EXOC6: variants seen among roughly 807,000 people sequenced by gnomAD.
EXOC6 encodes the protein exocyst complex component 6, also known as SEC15-like 1.
A neutral mutation model predicts 112.5 loss-of-function variants in EXOC6; 60 were observed. The observed-to-expected ratio is 0.53, with a 90% confidence interval of 0.43 to 0.66. The LOEUF is 0.66. Ranked by LOEUF, EXOC6 falls within the 30% of genes least tolerant of loss-of-function variation. The pLI, the probability that EXOC6 is intolerant of heterozygous loss-of-function variation, is 0.00. For synonymous variants in EXOC6, 295 were observed against 308.0 expected (o/e 0.96, Z 0.44); for missense variants, 855 against 957.1 (o/e 0.89, Z 1.41).
chr10:92,879,753 G>A (rs529043304), intron 1 of EXOC6, among the ~76,000 whole-genome samples: 2 of 152,154 alleles, frequency 1.3e-5, no homozygotes, highest in East Asian at 3.9e-4. Context: ...CTGATTTTAA[G>A]ATGTTCTTTA....
At chr10:92,935,418 T>C (rs1852286223) in intron 11 of EXOC6, among the ~76,000 whole-genome samples, 1 of 152,090 alleles carries the variant, frequency 6.6e-6, no homozygotes, top group Non-Finnish European at 1.5e-5. Flanking sequence ...ATAATTTTCT[T>C]TTGGTTAATT....
chr10:92,842,045 A>G (rs1846871790), intron 1 of EXOC6, among the ~76,000 whole-genome samples: 1 of 142,738 alleles, frequency 7.0e-6, no homozygotes, highest in African/African-American at 2.6e-5. Context: ...CCAAAAAAAA[A>G]AGTGTTAATA....
chr10:92,933,300 A>G (rs974055), intron 9 of EXOC6, among the ~76,000 whole-genome samples: 3,341 of 152,304 alleles, frequency 0.022, 56 homozygotes, highest in African/African-American at 0.041. Context: ...AGAATACAAA[A>G]CATGCTTAAT....
At chr10:92,889,106 T>C (rs1849369154) in intron 1 of EXOC6, among the ~76,000 whole-genome samples, 5 of 152,190 alleles carry the variant, frequency 3.3e-5, no homozygotes, top group Admixed American at 2.0e-4. Context: ...TGAGTTTTGG[T>C]CATATTTATT....
In EXOC6 at chr10:92,893,500, A is replaced by G. The variant is rs145875144; in HGVS notation, c.253A>G (p.Thr85Ala). Residue 85 changes from threonine (T) to alanine (A), a missense_variant, in exon 2 of 22, where the codon ACT becomes GCT. By Grantham distance (58) the Thr-to-Ala change is moderately conservative. Around this residue, in one of 2 missense-constraint regions of EXOC6, gnomAD observed 405 missense variants for 393.6 expected, o/e 1.03. Coordinates refer to ENST00000260762, the MANE Select transcript of EXOC6 (RefSeq NM_019053.6). ...TATTACAGAACTCCTTAAAGTAAGG[A>G]CTGATGCAGAAAAACTGAAGGTAAG... is the stretch of plus-strand genomic sequence containing the variant. ...DAITELLKVRTDAEKLKVQVT... is the reference protein window; with the variant it reads ...DAITELLKVRADAEKLKVQVT... 3.1e-6 allele frequency: 5 copies of G among 1,599,214 alleles called. No individual in the cohort carries two copies. The African/African-American group carries it at 5.4e-5, about 17-fold the overall frequency.
intron 1 of EXOC6, 36 bp from the exon 2 acceptor site, chr10:92,893,313 A>G: frequency 6.7e-7 from 1 of 1,482,626 alleles, no homozygotes; most frequent in Non-Finnish European, 9.1e-7. Context: ...TAAATAATAC[A>G]TTTTGGTTAA....
At chr10:92,847,072 C>G (rs1008252549), upstream of EXOC6, among the ~76,000 whole-genome samples, 3 of 152,220 alleles carry the variant, frequency 2.0e-5, no homozygotes, top group African/African-American at 4.8e-5. Flanking sequence ...CCCGCAGAGT[C>G]TCTAGCAAGG....
chr10:92,899,794 TCCAC>T, intron 5 of EXOC6, 150 bp downstream of exon 5: 2 of 524,914 alleles, frequency 3.8e-6, no homozygotes, highest in Non-Finnish European at 3.4e-6. Flanking sequence ...ATCAGGATAA[TCCAC>T]TAAAGCAAAT....
At chr10:92,898,346 C>T (rs1016450152) in intron 4 of EXOC6, among the ~76,000 whole-genome samples, 2 of 150,926 alleles carry the variant, frequency 1.3e-5, no homozygotes, top group Non-Finnish European at 2.9e-5. Context: ...GAGAGAATTA[C>T]TTGAGCCCAA....
At chr10:92,896,175 ATATATATT>A (rs1564810040) in intron 4 of EXOC6, among the ~76,000 whole-genome samples, 67 of 20,512 alleles carry the variant, frequency 3.3e-3, no homozygotes, top group East Asian at 0.017. Context: ...ATATATATAT[ATATATATT>A]TTTTTTTTTT....
intron 18 of EXOC6, among the ~76,000 whole-genome samples, chr10:92,983,427 A>C (rs1356767282): frequency 6.6e-6 from 1 of 151,346 alleles, no homozygotes; most frequent in East Asian, 1.9e-4. Flanking sequence ...ACAAGTAGCA[A>C]CCTTTCCCTT....
chr10:92,976,348 T>G (rs1334372526), intron 18 of EXOC6, among the ~76,000 whole-genome samples: 1 of 152,198 alleles, frequency 6.6e-6, no homozygotes, highest in African/African-American at 2.4e-5. Context: ...CTTATCCTGT[T>G]GATCTGTGAC....
At chr10:92,970,655 G>A (rs74319272) in intron 17 of EXOC6, among the ~76,000 whole-genome samples, 2,220 of 152,274 alleles carry the variant, frequency 0.015, 54 homozygotes, top group African/African-American at 0.051. Flanking sequence ...TTCTTCTGTA[G>A]TTGAGGGGAA....
chr10:92,965,494 T>C (rs903659291), intron 17 of EXOC6, among the ~76,000 whole-genome samples: 4 of 152,212 alleles, frequency 2.6e-5, no homozygotes, highest in African/African-American at 7.2e-5. Flanking sequence ...TTAGCTGATA[T>C]GCTGACTAGA....
At position 93,029,552 on chromosome 10, in the gene EXOC6, A is replaced by G. The variant is rs1230610167; in HGVS notation, c.2169+15285A>G. On this transcript the variant is annotated intron_variant, in intron 20 of 21. Coordinates refer to ENST00000260762, the MANE Select transcript of EXOC6 (RefSeq NM_019053.6). ...TGAATGGGAGTTCTTTATCAGGTCT[A>G]TGTATTGTTGTAAATGTCTTCTACT... Among the ~76,000 whole-genome samples, 6 of 152,144 alleles carry G rather than the reference A, an allele frequency of 3.9e-5. No individual in the cohort carries two copies. The East Asian group carries it at 9.6e-4, about 24-fold the overall frequency.
At chr10:93,036,731 T>C (rs533601082) in intron 20 of EXOC6, among the ~76,000 whole-genome samples, 1 of 152,284 alleles carries the variant, frequency 6.6e-6, no homozygotes, top group African/African-American at 2.4e-5. Flanking sequence ...AGCTAACAGA[T>C]TTATGGAAAA....
chr10:92,871,577 C>G (rs1848449579), intron 1 of EXOC6, among the ~76,000 whole-genome samples: 1 of 150,890 alleles, frequency 6.6e-6, no homozygotes, highest in African/African-American at 2.4e-5. Context: ...GAGGCCAAGG[C>G]TGGAGGATCA....
chr10:92,884,676 G>A (rs1849126017), intron 1 of EXOC6, among the ~76,000 whole-genome samples: 1 of 152,068 alleles, frequency 6.6e-6, no homozygotes, highest in African/African-American at 2.4e-5. Context: ...CATTATTTTA[G>A]TAAAAAAGAG....
At chr10:92,852,741 A>G (rs982304834) in intron 1 of EXOC6, among the ~76,000 whole-genome samples, 6 of 152,176 alleles carry the variant, frequency 3.9e-5, no homozygotes, top group Non-Finnish European at 8.8e-5. Context: ...AAAAACCCTC[A>G]GAAACTAGTA....
Sources: allele counts gnomAD v4.1 joint callset (sites outside exome capture counted in the v4.1 genomes callset), GRCh38; gene constraint gnomAD v4.1.1; regional missense constraint gnomAD v4.1.1; transcripts MANE v1.5; gene names NCBI Gene and HGNC (gene_info 2026-07-23, HGNC 2026-07-21).